Variants in SCD observed in about 807,000 individuals in gnomAD.
SCD encodes the protein acyl-CoA desaturase.
In SCD, 4 loss-of-function variants were observed where a neutral mutation model predicts 35.7. The ratio of observed to expected loss-of-function variants is 0.11; its 90% confidence interval spans 0.06 to 0.26. The LOEUF (loss-of-function observed/expected upper bound fraction) is 0.26, where lower values mean the gene tolerates loss of function less well. Ranked by LOEUF, SCD falls within the 10% of genes least tolerant of loss-of-function variation. The probability of loss-of-function intolerance (pLI) is 1.00; values close to 1 mark genes in which losing one functional copy is unlikely to be tolerated. For synonymous variants in SCD, 150 were observed against 170.2 expected (o/e 0.88, Z 0.92); for missense variants, 282 against 460.7 (o/e 0.61, Z 3.55).
chr10:100,353,182 A>C (rs1217852067), intron 3 of SCD, among the ~76,000 whole-genome samples: 1 of 152,184 alleles, frequency 6.6e-6, no homozygotes, highest in Non-Finnish European at 1.5e-5. Context: ...TATTATCCCC[A>C]TTTTACAGAT....
chr10:100,361,576 T>A lies in SCD; in HGVS notation c.*643T>A, dbSNP rs1240445218. The A allele has an allele frequency of 6.6e-6, 1 of 152,574 alleles. No individual in the cohort carries two copies. The highest frequency in any genetic ancestry group is 1.9e-4 in the East Asian group (1 of 5,200). The allele number at this position is 152,574 out of a possible 1,614,324, so 9.5% of individuals were successfully genotyped here. ...ATACAGCTGCCTACCTAATGAGGAC[T>A]TCAAGCCCCACCACATAGCATGCTT... is the stretch of plus-strand genomic sequence containing the variant. On this transcript the variant is annotated 3_prime_UTR_variant, in exon 6 of 6. Coordinates refer to ENST00000370355, the MANE Select transcript of SCD (RefSeq NM_005063.5).
At position 100,348,143 on chromosome 10, in the gene SCD, A is replaced by G; in HGVS notation, c.107A>G (p.Glu36Gly). Residue 36 changes from glutamate (E) to glycine (G), a missense_variant, in exon 2 of 6, where the codon GAG (glutamate) becomes GGG (glycine). This residue lies in a region of SCD where 77 missense variants were observed against 88.4 expected (regional missense o/e 0.87). Coordinates refer to ENST00000370355, the MANE Select transcript of SCD (RefSeq NM_005063.5). ...RVLQNGGDKL[E>G]TMPLYLEDDI... ...CTGCAGAATGGAGGAGATAAGTTGG[A>G]GACGATGCCCCTCTACTTGGAAGAC... 1 of 1,613,888 alleles carries G rather than the reference A, an allele frequency of 6.2e-7. No individual in the cohort carries two copies. The highest frequency in any genetic ancestry group is 1.7e-5 in the Admixed American group (1 of 60,004).
intron 2 of SCD, among the ~76,000 whole-genome samples, chr10:100,348,626 T>C (rs186379046): frequency 1.3e-5 from 2 of 152,296 alleles, no homozygotes; most frequent in African/African-American, 4.8e-5. Flanking sequence ...AAAGAGCTTT[T>C]CTGTTTGAGT....
rs939320895 is a variant in SCD, at chr10:100,348,030, C to T, written c.28-34C>T. ...TGGCCCCAGCTGCCTCCACGTGTCT[C>T]TTCTCCTGACTCTCCTCTTCCTCCC... On this transcript the variant is annotated intron_variant, in intron 1 of 5. Transcript: ENST00000370355. The T allele has an allele frequency of 3.7e-6, 6 of 1,603,062 alleles. No homozygotes were observed. The African/African-American group carries it at 8.1e-5, about 22-fold the overall frequency.
At chr10:100,347,575 G>T in intron 1 of SCD, 44 bp downstream of exon 1, 1 of 1,611,826 alleles carries the variant, frequency 6.2e-7, no homozygotes, top group Non-Finnish European at 8.5e-7. Context: ...TCGCAGGCGC[G>T]GGCTGGGCTT....
intron 2 of SCD, among the ~76,000 whole-genome samples, chr10:100,350,368 C>T (rs612472): frequency 0.039 from 5,900 of 152,152 alleles, 245 homozygotes; most frequent in East Asian, 0.12. Flanking sequence ...AGCAACTGGT[C>T]GTGATTCCAG....
rs201033490 is a variant in SCD at position 100,348,115 on chromosome 10, G to T, written c.79G>T (p.Val27Phe). Residue 27 changes from valine (V) to phenylalanine (F), a missense_variant, in exon 2 of 6, where the codon GTC becomes TTC. Val to Phe is a conservative substitution (Grantham distance 50). Transcript: ENST00000370355. ...TTTITAPPSR[V>F]LQNGGDKLET... ...CACCATTACAGCGCCTCCCTCCAGGGTCCTGCAGAATGGAGGAGATAAGTT... is the reference window on the plus strand; with the variant it reads ...CACCATTACAGCGCCTCCCTCCAGGTTCCTGCAGAATGGAGGAGATAAGTT... The T allele has an allele frequency of 6.2e-6, 10 of 1,613,734 alleles. No homozygotes were observed. Among genetic ancestry groups the T allele is most frequent in the Non-Finnish European group, 7.6e-6 (9 of 1,179,802 alleles).
At position 100,352,521 on chromosome 10, in the gene SCD, G is replaced by C. The variant is rs201524958; in HGVS notation, c.441+25G>C. 5 of 1,610,444 alleles carry C rather than the reference G, an allele frequency of 3.1e-6. No individual in the cohort carries two copies. The highest frequency in any genetic ancestry group is 4.2e-6 in the Non-Finnish European group (5 of 1,178,938). On this transcript the variant is annotated intron_variant, in intron 3 of 5. Transcript: ENST00000370355. The surrounding 1 kb of genome is among the most constrained non-coding windows in gnomAD (Gnocchi z 4.2). Reference sequence around the variant, plus strand: ...GGTAAGAAGTTGTCTCTGCTCAGCTGTTTGTCCTCCACACTATTAATGATC... The same window carrying C: ...GGTAAGAAGTTGTCTCTGCTCAGCTCTTTGTCCTCCACACTATTAATGATC...
At chr10:100,360,514 G>C (rs1157283433) in intron 5 of SCD, among the ~76,000 whole-genome samples, 2 of 152,202 alleles carry the variant, frequency 1.3e-5, no homozygotes, top group African/African-American at 4.8e-5. Flanking sequence ...AGGGTTGCTT[G>C]CAACATGGCA....
At chr10:100,347,898 G>A (rs576301144) in intron 1 of SCD, among the ~76,000 whole-genome samples, 166 bp from the exon 2 acceptor site, 2 of 152,114 alleles carry the variant, frequency 1.3e-5, no homozygotes, top group Admixed American at 6.5e-5. Flanking sequence ...CAGTTTCAGG[G>A]AACTTTTCTC....
chr10:100,347,847 G>T (rs1298034593), intron 1 of SCD, among the ~76,000 whole-genome samples: 1 of 151,964 alleles, frequency 6.6e-6, no homozygotes, highest in Non-Finnish European at 1.5e-5. Flanking sequence ...TAGGTTTCGC[G>T]CCCCTCGTCC....
Position 100,354,581 on chromosome 10 carries a change from C to G in SCD, c.596C>G (p.Thr199Arg), listed in dbSNP as rs200442749. Residue 199 changes from threonine (T) to arginine (R), a missense_variant, in exon 4 of 6, where the codon ACG (threonine) becomes AGG (arginine). This residue lies in a region of SCD where 205 missense variants were observed against 372.3 expected (regional missense o/e 0.55). Coordinates refer to ENST00000370355, the MANE Select transcript of SCD (RefSeq NM_005063.5). The part of the protein sequence containing the change: ...KHPAVKEKGS[T>R]LDLSDLEAEK... ...CCAGCTGTCAAAGAGAAGGGGAGTACGCTAGACTTGTCTGACCTAGAAGCT... is the reference window on the plus strand; with the variant it reads ...CCAGCTGTCAAAGAGAAGGGGAGTAGGCTAGACTTGTCTGACCTAGAAGCT... 6.2e-7 allele frequency: 1 copy of G among 1,614,160 alleles called. No individual in the cohort carries two copies. The highest frequency in any genetic ancestry group is 8.5e-7 in the Non-Finnish European group (1 of 1,180,014).
rs201602476 is a variant in SCD at position 100,361,637 on chromosome 10, G to A, written c.*704G>A. The A allele has an allele frequency of 1.3e-5, 2 of 152,224 alleles. No homozygotes were observed. The highest frequency in any genetic ancestry group is 2.9e-5 in the Non-Finnish European group (2 of 68,072). 9.4% of individuals were successfully genotyped at this position (152,224 alleles called of 1,614,324 possible). On this transcript the variant is annotated 3_prime_UTR_variant, in exon 6 of 6. Coordinates refer to ENST00000370355, the MANE Select transcript of SCD (RefSeq NM_005063.5). The stretch of plus-strand genomic sequence containing the variant: ...CTGGCTCGGGGTAAAAAGTGGCTGC[G>A]GTGTTTGGCAATGCTAATTCAATGC...
intron 5 of SCD, among the ~76,000 whole-genome samples, chr10:100,357,409 G>T (rs1274849311): frequency 6.6e-6 from 1 of 152,110 alleles, no homozygotes; most frequent in Non-Finnish European, 1.5e-5. Flanking sequence ...GTGCCTTACT[G>T]TTTGGTGATG....
chr10:100,359,723 C>T (rs1040279868), intron 5 of SCD, among the ~76,000 whole-genome samples: 8 of 152,142 alleles, frequency 5.3e-5, no homozygotes, highest in African/African-American at 1.7e-4. Context: ...TCTGAGGGTA[C>T]TGTTATCTAC....
Position 100,356,423 on chromosome 10 carries a change from G to C in SCD, c.648-109G>C. ...AAACAATGAACTTAGAGTCAGACAAGCAATTCAACATGGAAGAAAGACAGC... is the reference window on the plus strand; with the variant it reads ...AAACAATGAACTTAGAGTCAGACAACCAATTCAACATGGAAGAAAGACAGC... On this transcript the variant is annotated intron_variant, in intron 4 of 5. Coordinates refer to ENST00000370355, the MANE Select transcript of SCD (RefSeq NM_005063.5). This position sits in a 1 kb window ranked among gnomAD's most constrained non-coding sequence, Gnocchi z 4.1. 7 of 773,118 alleles carry C rather than the reference G, an allele frequency of 9.1e-6. No homozygotes were observed. Among genetic ancestry groups the C allele is most frequent in the Non-Finnish European group, 1.6e-5 (7 of 451,414 alleles). 47.9% of individuals were successfully genotyped at this position (773,118 alleles called of 1,614,324 possible). A position where few individuals can be genotyped will look rare whatever the true frequency, so the allele number is the denominator to read the frequency against.
chr10:100,358,526 A>G (rs1203676875), intron 5 of SCD, among the ~76,000 whole-genome samples: 2 of 144,364 alleles, frequency 1.4e-5, no homozygotes, highest in Non-Finnish European at 3.0e-5. Context: ...CGGGAAGCGG[A>G]GCTTGCAGTG....
chr10:100,362,029 A>G lies in SCD; in HGVS notation c.*1096A>G, dbSNP rs201309615. ...AAATAAAATATATATACATATATAC[A>G]TTGCTTAGAACGTTAAACTATTAGA... is the stretch of plus-strand genomic sequence containing the variant. On this transcript the variant is annotated 3_prime_UTR_variant, in exon 6 of 6. Coordinates refer to ENST00000370355, the MANE Select transcript of SCD (RefSeq NM_005063.5). 13 of 152,350 alleles carry G rather than the reference A, an allele frequency of 8.5e-5. No individual in the cohort carries two copies. The highest frequency in any genetic ancestry group is 2.9e-4 in the African/African-American group (12 of 41,582). The allele number at this position is 152,350 out of a possible 1,614,324, so 9.4% of individuals were successfully genotyped here.
intron 1 of SCD, 44 bp downstream of exon 1, chr10:100,347,575 G>A: frequency 6.2e-7 from 1 of 1,611,826 alleles, no homozygotes. Flanking sequence ...TCGCAGGCGC[G>A]GGCTGGGCTT....
Sources: allele counts gnomAD v4.1 joint callset (sites outside exome capture counted in the v4.1 genomes callset), GRCh38; gene constraint gnomAD v4.1.1; regional missense constraint gnomAD v4.1.1; non-coding constraint Gnocchi (gnomAD v3.1); transcripts MANE v1.5; gene names NCBI Gene and HGNC (gene_info 2026-07-23, HGNC 2026-07-21).